Variants in OR10T2 observed in about 807,000 individuals in gnomAD.
OR10T2 encodes olfactory receptor 10T2.
For missense variants in OR10T2, 416 were observed against 372.3 expected (o/e 1.12, Z -0.97); for synonymous variants, 162 against 144.1 (o/e 1.12, Z -0.89).
In OR10T2 at chr1:158,399,308, G is replaced by A. The variant is rs200643177; in HGVS notation, c.159C>T (p.Ser53=). Residue 53 remains serine, a synonymous_variant, in exon 1 of 1, where the codon AGC becomes AGT. Coordinates refer to ENST00000334438, the MANE Select transcript of OR10T2 (RefSeq NM_001004475.1). ...CATACATGGGAGTGTGGAGAGTCCAGCTGAAGCGAATAACGGCCATGATGG... is the reference window on the plus strand; with the variant it reads ...CATACATGGGAGTGTGGAGAGTCCAACTGAAGCGAATAACGGCCATGATGG... ...NVTIMAVIRF[S]WTLHTPMYGF... 1.2e-5 allele frequency: 19 copies of A among 1,613,976 alleles called. No homozygotes were observed. The highest frequency in any genetic ancestry group is 2.5e-6 in the Non-Finnish European group (3 of 1,180,002).
rs1654722490 is a variant in OR10T2 at position 158,398,670 on chromosome 1, G to A, written c.797C>T (p.Ser266Phe). The A allele has an allele frequency of 6.2e-7, 1 of 1,614,024 alleles. No homozygotes were observed. Among genetic ancestry groups the A allele is most frequent in the Non-Finnish European group, 8.5e-7 (1 of 1,180,014 alleles). The change falls in exon 1 of 1, where the codon TCT becomes TTT. Residue 266 changes from serine to phenylalanine, a missense_variant. By Grantham distance (155) the Ser-to-Phe change is radical (BLOSUM62 -2). Coordinates refer to ENST00000334438, the MANE Select transcript of OR10T2 (RefSeq NM_001004475.1). ...CACCAACTGATCCTTGTCTGAGGCA[G>A]ACTTGGACTTGGGCCGCAGATAGAT... is the stretch of plus-strand genomic sequence containing the variant. ...SIIYLRPKSK[S>F]ASDKDQLVAV...
rs1227396096 is a variant in OR10T2, at chr1:158,399,095, A to G, written c.372T>C (p.Tyr124=). ...ACCTCAGAGGGTGACAAATTGCTACATAGCGATCATATCCCATCACAGCAA... is the reference window on the plus strand; with the variant it reads ...ACCTCAGAGGGTGACAAATTGCTACGTAGCGATCATATCCCATCACAGCAA... ...LLIAVMGYDR[Y]VAICHPLRYT... Residue 124 remains tyrosine, a synonymous_variant, in exon 1 of 1, where the codon TAT becomes TAC. Transcript: ENST00000334438. 2.5e-6 allele frequency: 4 copies of G among 1,614,026 alleles called. No individual in the cohort carries two copies. In the African/African-American group the frequency reaches 5.3e-5, roughly 22 times the overall value.
rs1162475913 is a variant in OR10T2, at chr1:158,398,725, CCA to C, written c.740_741del (p.Val247GlyfsTer39). ...GAGGCACAGCCATAGTGGACAAAGA[CCA>C]CAGTGAGATGTGAGGCACAGGTGAC... ...AFVTCASHLT[V>X]VFVHYGCASI... On this transcript the variant is annotated frameshift_variant, in exon 1 of 1. Coordinates refer to ENST00000334438, the MANE Select transcript of OR10T2 (RefSeq NM_001004475.1). LOFTEE classifies it low-confidence loss of function (END_TRUNC). 1 of 1,613,932 alleles carries C rather than the reference CCA, an allele frequency of 6.2e-7. No homozygotes were observed. Among genetic ancestry groups the C allele is most frequent in the Non-Finnish European group, 8.5e-7 (1 of 1,179,976 alleles).
chr1:158,399,350 G>T lies in OR10T2; in HGVS notation c.117C>A (p.Ile39=). 6.2e-7 allele frequency: 1 copy of T among 1,614,004 alleles called. No individual in the cohort carries two copies. Among genetic ancestry groups the T allele is most frequent in the Non-Finnish European group, 8.5e-7 (1 of 1,179,946 alleles). Residue 39 remains isoleucine, a synonymous_variant, in exon 1 of 1, where the codon ATC becomes ATA. Transcript: ENST00000334438. ...CCATGATGGTCACATTGGCCACCAG[G>T]ATTGTCAAGTATAGGAGAAGAAAGA... ...FVIFLLLYLT[I]LVANVTIMAV... is the part of the protein sequence containing the mutation.
Position 158,398,795 on chromosome 1 carries a change from G to A in OR10T2, c.672C>T (p.Asn224=), listed in dbSNP as rs774331855. 1 of 1,614,118 alleles carries A rather than the reference G, an allele frequency of 6.2e-7. No individual in the cohort carries two copies. Among genetic ancestry groups the A allele is most frequent in the Non-Finnish European group, 8.5e-7 (1 of 1,180,012 alleles). ...CAGCTGAGGGGATCTTCAGGATGGT[G>A]TTAACTATGAAGCCATAGGATATGA... ...LILISYGFIV[N]TILKIPSAEG... The change falls in exon 1 of 1, where the codon AAC becomes AAT. Residue 224 remains asparagine, a synonymous_variant. Coordinates refer to ENST00000334438, the MANE Select transcript of OR10T2 (RefSeq NM_001004475.1).
chr1:158,399,343 C>T lies in OR10T2; in HGVS notation c.124G>A (p.Ala42Thr). The change falls in exon 1 of 1, where the codon GCC (alanine) becomes ACC (threonine). Residue 42 changes from alanine (A) to threonine (T), a missense_variant. By Grantham distance (58) the Ala-to-Thr change is moderately conservative. Coordinates refer to ENST00000334438, the MANE Select transcript of OR10T2 (RefSeq NM_001004475.1). ...FLLLYLTILVANVTIMAVIRF... is the reference protein window; with the variant it reads ...FLLLYLTILVTNVTIMAVIRF... Reference sequence around the variant, plus strand: ...ATAACGGCCATGATGGTCACATTGGCCACCAGGATTGTCAAGTATAGGAGA... The same window carrying T: ...ATAACGGCCATGATGGTCACATTGGTCACCAGGATTGTCAAGTATAGGAGA... 1.2e-6 allele frequency: 2 copies of T among 1,613,968 alleles called. No homozygotes were observed. Among genetic ancestry groups the T allele is most frequent in the East Asian group, 2.2e-5 (1 of 44,864 alleles).
In OR10T2 at chr1:158,399,358, A is replaced by C. The variant is rs757142552; in HGVS notation, c.109T>G (p.Leu37Val). Residue 37 changes from leucine (L) to valine (V), a missense_variant, in exon 1 of 1, where the codon TTG becomes GTG. Physicochemically the swap from Leu to Val is conservative, Grantham distance 32 (BLOSUM62 1). Coordinates refer to ENST00000334438, the MANE Select transcript of OR10T2 (RefSeq NM_001004475.1). ...LLFVIFLLLYLTILVANVTIM... is the reference protein window; with the variant it reads ...LLFVIFLLLYVTILVANVTIM... ...GTCACATTGGCCACCAGGATTGTCAAGTATAGGAGAAGAAAGATGACAAAA... is the reference window on the plus strand; with the variant it reads ...GTCACATTGGCCACCAGGATTGTCACGTATAGGAGAAGAAAGATGACAAAA... The C allele has an allele frequency of 1.2e-6, 2 of 1,614,090 alleles. No homozygotes were observed. Among genetic ancestry groups the C allele is most frequent in the South Asian group, 2.2e-5 (2 of 91,088 alleles).
chr1:158,398,569 C>A lies in OR10T2; in HGVS notation c.898G>T (p.Ala300Ser), dbSNP rs1208027929. The stretch of plus-strand genomic sequence containing the variant: ...GGCATTCCAAGAACTCTTTTCAATG[C>A]AGTTTTTACCTCTTTGTTCCTCAGA... The part of the protein sequence containing the change: ...YSLRNKEVKT[A>S]LKRVLGMPVA... The change falls in exon 1 of 1, where the codon GCA (alanine) becomes TCA (serine). Residue 300 changes from alanine (A) to serine (S), a missense_variant. Ala to Ser is a moderately conservative substitution (Grantham distance 99, BLOSUM62 1). Transcript: ENST00000334438. 5.0e-6 allele frequency: 8 copies of A among 1,610,742 alleles called. No individual in the cohort carries two copies. Among genetic ancestry groups the A allele is most frequent in the South Asian group, 1.1e-5 (1 of 90,242 alleles).
chr1:158,399,348 A>T lies in OR10T2; in HGVS notation c.119T>A (p.Leu40Gln), dbSNP rs200413591. ...GGCCATGATGGTCACATTGGCCACC[A>T]GGATTGTCAAGTATAGGAGAAGAAA... is the stretch of plus-strand genomic sequence containing the variant. ...VIFLLLYLTI[L>Q]VANVTIMAVI... Residue 40 changes from leucine (L) to glutamine (Q), a missense_variant, in exon 1 of 1, where the codon CTG becomes CAG. By Grantham distance (113) the Leu-to-Gln change is moderately radical (BLOSUM62 -2). Coordinates refer to ENST00000334438, the MANE Select transcript of OR10T2 (RefSeq NM_001004475.1). 1 of 1,614,100 alleles carries T rather than the reference A, an allele frequency of 6.2e-7. No homozygotes were observed. The highest frequency in any genetic ancestry group is 1.7e-5 in the Admixed American group (1 of 60,028).
chr1:158,399,298 G>A lies in OR10T2; in HGVS notation c.169C>T (p.His57Tyr), dbSNP rs752203724. 2.5e-6 allele frequency: 4 copies of A among 1,614,074 alleles called. No homozygotes were observed. Among genetic ancestry groups the A allele is most frequent in the Non-Finnish European group, 3.4e-6 (4 of 1,179,996 alleles). Residue 57 changes from histidine to tyrosine, a missense_variant, in exon 1 of 1, where the codon CAC becomes TAC. Transcript: ENST00000334438. ...AATAGAAAGCCATACATGGGAGTGT[G>A]GAGAGTCCAGCTGAAGCGAATAACG... ...MAVIRFSWTL[H>Y]TPMYGFLFIL...
Position 158,398,642 on chromosome 1 carries a change from T to C in OR10T2, c.825A>G (p.Ala275=). ...AGGGAGTAACCACTGTGTAGGTCAC[T>C]GCCACCAACTGATCCTTGTCTGAGG... is the stretch of plus-strand genomic sequence containing the variant. ...KSASDKDQLV[A]VTYTVVTPLL... is the part of the protein sequence containing the mutation. The change falls in exon 1 of 1, where the codon GCA becomes GCG. Residue 275 remains alanine, a synonymous_variant. Transcript: ENST00000334438. 3.1e-6 allele frequency: 5 copies of C among 1,614,018 alleles called. No individual in the cohort carries two copies. The highest frequency in any genetic ancestry group is 4.2e-6 in the Non-Finnish European group (5 of 1,179,960).
In OR10T2 at chr1:158,399,268, G is replaced by C. The variant is rs1484877633; in HGVS notation, c.199C>G (p.Leu67Val). 1 of 1,613,960 alleles carries C rather than the reference G, an allele frequency of 6.2e-7. No homozygotes were observed. Among genetic ancestry groups the C allele is most frequent in the African/African-American group, 1.3e-5 (1 of 74,920 alleles). ...HTPMYGFLFI[L>V]SFSESCYTFV... ...GTGTAGCAGGACTCAGAAAATGAAA[G>C]GATGAATAGAAAGCCATACATGGGA... Residue 67 changes from leucine to valine, a missense_variant, in exon 1 of 1, where the codon CTT (leucine) becomes GTT (valine). Transcript: ENST00000334438.
chr1:158,398,889 G>A lies in OR10T2; in HGVS notation c.578C>T (p.Thr193Ile). ...AAATAAAGCCAGCTCTTTCACATGG[G>A]TGTCAGTGCAGGCTAACTTGATAAC... ...APVIKLACTD[T>I]HVKELALFSL... The change falls in exon 1 of 1, where the codon ACC becomes ATC. Residue 193 changes from threonine (T) to isoleucine (I), a missense_variant. Transcript: ENST00000334438. 1.2e-6 allele frequency: 2 copies of A among 1,614,092 alleles called. No individual in the cohort carries two copies. Among genetic ancestry groups the A allele is most frequent in the South Asian group, 2.2e-5 (2 of 91,076 alleles).
Position 158,398,638 on chromosome 1 carries a change from T to A in OR10T2, c.829A>T (p.Thr277Ser), listed in dbSNP as rs1654722009. The A allele has an allele frequency of 6.2e-7, 1 of 1,614,090 alleles. No homozygotes were observed. Among genetic ancestry groups the A allele is most frequent in the Non-Finnish European group, 8.5e-7 (1 of 1,179,980 alleles). Residue 277 changes from threonine to serine, a missense_variant, in exon 1 of 1, where the codon ACC becomes TCC. Thr to Ser is a moderately conservative substitution (Grantham distance 58, BLOSUM62 1). Transcript: ENST00000334438. ...AGTAAGGGAGTAACCACTGTGTAGG[T>A]CACTGCCACCAACTGATCCTTGTCT... is the stretch of plus-strand genomic sequence containing the variant. ...ASDKDQLVAV[T>S]YTVVTPLLNP...
chr1:158,398,737 G>A lies in OR10T2; in HGVS notation c.730C>T (p.His244Tyr). The A allele has an allele frequency of 6.2e-7, 1 of 1,614,062 alleles. No homozygotes were observed. Among genetic ancestry groups the A allele is most frequent in the Non-Finnish European group, 8.5e-7 (1 of 1,179,948 alleles). ...TAGTGGACAAAGACCACAGTGAGATGTGAGGCACAGGTGACAAAGGCCTTC... is the reference window on the plus strand; with the variant it reads ...TAGTGGACAAAGACCACAGTGAGATATGAGGCACAGGTGACAAAGGCCTTC... ...GKKAFVTCAS[H>Y]LTVVFVHYGC... Residue 244 changes from histidine (H) to tyrosine (Y), a missense_variant, in exon 1 of 1, where the codon CAT becomes TAT. Coordinates refer to ENST00000334438, the MANE Select transcript of OR10T2 (RefSeq NM_001004475.1).
At position 158,398,978 on chromosome 1, in the gene OR10T2, G is replaced by T; in HGVS notation, c.489C>A (p.Leu163=). ...GFFIALVATN[L]ICDMRFCGPN... is the part of the protein sequence containing the mutation. Reference sequence around the variant, plus strand: ...GGCCACAAAAACGCATGTCACAAATGAGGTTGGTGGCCACCAAAGCAATAA... The same window carrying T: ...GGCCACAAAAACGCATGTCACAAATTAGGTTGGTGGCCACCAAAGCAATAA... Residue 163 remains leucine, a synonymous_variant, in exon 1 of 1, where the codon CTC becomes CTA. Transcript: ENST00000334438. The T allele has an allele frequency of 6.2e-7, 1 of 1,614,150 alleles. No homozygotes were observed. Among genetic ancestry groups the T allele is most frequent in the Non-Finnish European group, 8.5e-7 (1 of 1,180,024 alleles).
rs1654730222 is a variant in OR10T2 at position 158,398,857 on chromosome 1, T to A, written c.610A>T (p.Ser204Cys). The stretch of plus-strand genomic sequence containing the variant: ...AAAGGCACCATAATTACCAGGATGC[T>A]GAGGCTAAATAAAGCCAGCTCTTTC... ...HVKELALFSL[S>C]ILVIMVPFLL... The change falls in exon 1 of 1, where the codon AGC (serine) becomes TGC (cysteine). Residue 204 changes from serine to cysteine, a missense_variant. Physicochemically the swap from Ser to Cys is moderately radical, Grantham distance 112. Transcript: ENST00000334438. 6.2e-7 allele frequency: 1 copy of A among 1,614,154 alleles called. No individual in the cohort carries two copies.
In OR10T2 at chr1:158,398,641, C is replaced by T; in HGVS notation, c.826G>A (p.Val276Met). 6.2e-7 allele frequency: 1 copy of T among 1,614,086 alleles called. No homozygotes were observed. The highest frequency in any genetic ancestry group is 1.1e-5 in the South Asian group (1 of 91,072). ...AAGGGAGTAACCACTGTGTAGGTCA[C>T]TGCCACCAACTGATCCTTGTCTGAG... ...SASDKDQLVA[V>M]TYTVVTPLLN... The change falls in exon 1 of 1, where the codon GTG becomes ATG. Residue 276 changes from valine (V) to methionine (M), a missense_variant. Val to Met is a conservative substitution (Grantham distance 21, BLOSUM62 1). Transcript: ENST00000334438.
chr1:158,398,981 G>A lies in OR10T2; in HGVS notation c.486C>T (p.Asn162=), dbSNP rs146868581. 1.2e-4 allele frequency: 192 copies of A among 1,614,186 alleles called. No individual in the cohort carries two copies. In the African/African-American group the frequency reaches 2.1e-3, roughly 18 times the overall value. The change falls in exon 1 of 1, where the codon AAC becomes AAT. Residue 162 remains asparagine (N), a synonymous_variant. Coordinates refer to ENST00000334438, the MANE Select transcript of OR10T2 (RefSeq NM_001004475.1). ...CACAAAAACGCATGTCACAAATGAG[G>A]TTGGTGGCCACCAAAGCAATAAAGA... is the stretch of plus-strand genomic sequence containing the variant. ...TGFFIALVAT[N]LICDMRFCGP...
Sources: allele counts gnomAD v4.1 joint callset, GRCh38; gene constraint gnomAD v4.1.1; transcripts MANE v1.5; gene names NCBI Gene and HGNC (gene_info 2026-07-23, HGNC 2026-07-21).